The following LRP6 variants were observed in gnomAD, a reference collection of about 807,000 sequenced individuals.
The protein encoded by LRP6 is LDL receptor related protein 6.
A neutral mutation model predicts 184.1 loss-of-function variants in LRP6; 43 were observed. That is an observed-to-expected ratio of 0.23 (90% confidence interval 0.18 to 0.30). The LOEUF (loss-of-function observed/expected upper bound fraction) is 0.30. LRP6 is among the 10% of genes least tolerant of loss of function. The pLI is 1.00. For missense variants in LRP6, 1,571 were observed against 2,005.3 expected, an observed-to-expected ratio of 0.78 and a Z score of 4.14; for synonymous variants, 719 against 684.9, an observed-to-expected ratio of 1.05 and a Z score of -0.78.
intron 15 of LRP6, among the ~76,000 whole-genome samples, chr12:12,145,056 A>AT (rs1005517399): frequency 1.6e-4 from 25 of 152,148 alleles, no homozygotes; most frequent in Non-Finnish European, 2.9e-4. Context: ...AAAACTTATA[A>AT]TTAAAAAAAA....
chr12:12,244,463 G>A lies in LRP6; in HGVS notation c.248C>T (p.Thr83Ile), dbSNP rs1231928103. ...EAIKRTEFNKTESVQNVVVSG... is the reference protein window; with the variant it reads ...EAIKRTEFNKIESVQNVVVSG... ...AACAACAACATTCTGCACACTCTCA[G>A]TTTTGTTAAATTCTGTTCGTTTAAT... Residue 83 changes from threonine (T) to isoleucine (I), a missense_variant, in exon 2 of 23, where the codon ACT (threonine) becomes ATT (isoleucine). This residue lies in a region of LRP6 where 640 missense variants were observed against 851.9 expected (regional missense o/e 0.75). Coordinates refer to ENST00000261349, the MANE Select transcript of LRP6 (RefSeq NM_002336.3). 36 of 1,614,074 alleles carry A rather than the reference G, an allele frequency of 2.2e-5. No homozygotes were observed. The highest frequency in any genetic ancestry group is 3.0e-5 in the Non-Finnish European group (35 of 1,180,032).
intron 2 of LRP6, among the ~76,000 whole-genome samples, chr12:12,215,937 A>C (rs904994188): frequency 3.9e-5 from 6 of 151,970 alleles, no homozygotes; most frequent in East Asian, 2.0e-4. Flanking sequence ...ACTTGAACCC[A>C]CAAGGCAGAG....
At chr12:12,122,814 A>G (rs1949622731) in intron 22 of LRP6, among the ~76,000 whole-genome samples, 1 of 152,122 alleles carries the variant, frequency 6.6e-6, no homozygotes, top group South Asian at 2.1e-4. Flanking sequence ...CCTGGGTGAC[A>G]GAGCAAGACC....
At chr12:12,192,476 G>A (rs1447612964) in intron 3 of LRP6, among the ~76,000 whole-genome samples, 1 of 151,350 alleles carries the variant, frequency 6.6e-6, no homozygotes, top group Non-Finnish European at 1.5e-5. Context: ...AAAGGCAAAG[G>A]CTGTTAGACT....
At chr12:12,156,394 A>G (rs1862580736) in intron 12 of LRP6, among the ~76,000 whole-genome samples, 1 of 152,176 alleles carries the variant, frequency 6.6e-6, no homozygotes. Flanking sequence ...GAGAGACAAG[A>G]GTAAAAGCTG....
At chr12:12,205,691 C>T (rs766977265) in intron 2 of LRP6, among the ~76,000 whole-genome samples, 16 of 152,180 alleles carry the variant, frequency 1.1e-4, no homozygotes, top group Non-Finnish European at 4.4e-5. Flanking sequence ...GAAATGTAAG[C>T]ACATCACTCA....
rs1299969732 is a variant in LRP6 at position 12,126,787 on chromosome 12, C to G, written c.4216G>C (p.Gly1406Arg). The G allele has an allele frequency of 6.2e-7, 1 of 1,613,968 alleles. No homozygotes were observed. Among genetic ancestry groups the G allele is most frequent in the Non-Finnish European group, 8.5e-7 (1 of 1,179,976 alleles). ...ACATAGTCATTAGTCATAGTTTCCC[C>G]ATCTCCCTTCATACGTGGACACAAC... Reference protein sequence around the residue: ...RMLCPRMKGDGETMTNDYVVH... With the variant: ...RMLCPRMKGDRETMTNDYVVH... The change falls in exon 20 of 23, where the codon GGG (glycine) becomes CGG (arginine). Residue 1406 changes from glycine to arginine, a missense_variant. Gly to Arg is a moderately radical substitution (Grantham distance 125). Coordinates refer to ENST00000261349, the MANE Select transcript of LRP6 (RefSeq NM_002336.3).
chr12:12,126,892 T>C lies in LRP6; in HGVS notation c.4111A>G (p.Thr1371Ala), dbSNP rs1949679401. The C allele has an allele frequency of 1.2e-6, 2 of 1,614,046 alleles. No individual in the cohort carries two copies. Among genetic ancestry groups the C allele is most frequent in the Admixed American group, 1.7e-5 (1 of 60,002 alleles). Residue 1371 changes from threonine (T) to alanine (A), a missense_variant, in exon 20 of 23, where the codon ACC (threonine) becomes GCC (alanine). Physicochemically the swap from Thr to Ala is moderately conservative, Grantham distance 58. Transcript: ENST00000261349. ...YPTEEPAPQA[T>A]NTVGSVIGVI... ...CCAATAACAGAACCAACTGTATTGG[T>C]GGCCTGTGGTGCTGGTTCTTCAGTC...
At chr12:12,253,891 C>T (rs1300593404) in intron 1 of LRP6, among the ~76,000 whole-genome samples, 3 of 152,074 alleles carry the variant, frequency 2.0e-5, no homozygotes, top group African/African-American at 7.2e-5. Context: ...CGCCTCTAAT[C>T]CCCACACTTT....
At chr12:12,132,193 ATC>A (rs1949770214) in intron 17 of LRP6, 136 bp from the exon 18 acceptor site, 2 of 702,728 alleles carry the variant, frequency 2.8e-6, no homozygotes, top group Non-Finnish European at 5.2e-6. Flanking sequence ...ATTTATAACT[ATC>A]TCATCTATTC....
At chr12:12,166,479 A>G (rs1047747458) in intron 7 of LRP6, among the ~76,000 whole-genome samples, 1 of 152,192 alleles carries the variant, frequency 6.6e-6, no homozygotes, top group African/African-American at 2.4e-5. Flanking sequence ...TTACTTTCTT[A>G]TAAGTTTGTG....
chr12:12,155,466 A>G, intron 12 of LRP6: 1 of 957,268 alleles, frequency 1.0e-6, no homozygotes, highest in Non-Finnish European at 1.7e-6. Flanking sequence ...AATGTTACCC[A>G]GCATGCTGTT....
chr12:12,257,779 C>CAA lies in LRP6; in HGVS notation c.55+8900_55+8901dup, dbSNP rs1163180718. Among the ~76,000 whole-genome samples the CAA allele has an allele frequency of 7.9e-3, 279 of 35,310 alleles. 24 individuals are homozygous for CAA. Among genetic ancestry groups the CAA allele is most frequent in the African/African-American group, 0.011 (103 of 9,096 alleles). 23.2% of individuals were successfully genotyped at this position (35,310 alleles called of 152,430 possible). ...GCAACATAGTAAGACCCTGTCTCTACAAAAAAAAAAAAAAAAAAAAAAAAA... is the reference window on the plus strand; with the variant it reads ...GCAACATAGTAAGACCCTGTCTCTACAAAAAAAAAAAAAAAAAAAAAAAAAAA... On this transcript the variant is annotated intron_variant, in intron 1 of 22. Coordinates refer to ENST00000261349, the MANE Select transcript of LRP6 (RefSeq NM_002336.3).
In LRP6 at chr12:12,138,480, G is replaced by GT; in HGVS notation, c.3451dup (p.Thr1151AsnfsTer4). 1 of 1,614,100 alleles carries GT rather than the reference G, an allele frequency of 6.2e-7. No homozygotes were observed. Among genetic ancestry groups the GT allele is most frequent in the Non-Finnish European group, 8.5e-7 (1 of 1,180,012 alleles). On this transcript the variant is annotated frameshift_variant, in exon 16 of 23. Coordinates refer to ENST00000261349, the MANE Select transcript of LRP6 (RefSeq NM_002336.3). LOFTEE classifies it high-confidence loss of function. ...CCAATAGAGCCAGTTTTCAAACACA[G>GT]TAAGTCCCACAGGCTGCAAGATATT...
In LRP6 at chr12:12,159,861, C is replaced by T. The variant is rs1171228607; in HGVS notation, c.2383G>A (p.Gly795Ser). 6 of 1,614,074 alleles carry T rather than the reference C, an allele frequency of 3.7e-6. No homozygotes were observed. Among genetic ancestry groups the T allele is most frequent in the Non-Finnish European group, 5.1e-6 (6 of 1,179,976 alleles). Residue 795 changes from glycine (G) to serine (S), a missense_variant, in exon 11 of 23, where the codon GGC becomes AGC. Physicochemically the swap from Gly to Ser is moderately conservative, Grantham distance 56. Coordinates refer to ENST00000261349, the MANE Select transcript of LRP6 (RefSeq NM_002336.3). ...TLVPNVGRANGLTIDYAKRRL... is the reference protein window; with the variant it reads ...TLVPNVGRANSLTIDYAKRRL... ...CTTTTAGCATAATCAATAGTTAGGC[C>T]GTTTGCCCGCCCCACATTTGGAACT...
At chr12:12,136,441 TA>T (rs1949840738) in intron 16 of LRP6, among the ~76,000 whole-genome samples, 1 of 152,210 alleles carries the variant, frequency 6.6e-6, no homozygotes. Context: ...CTGCAAAAGG[TA>T]ACTTGTAATA....
chr12:12,153,049 T>C (rs1476945017), intron 12 of LRP6, among the ~76,000 whole-genome samples: 2 of 152,246 alleles, frequency 1.3e-5, no homozygotes, highest in African/African-American at 4.8e-5. Flanking sequence ...TTAACAACTT[T>C]TAGCAATTTT....
chr12:12,178,057 A>G (rs1863241141), intron 7 of LRP6, among the ~76,000 whole-genome samples: 2 of 152,192 alleles, frequency 1.3e-5, no homozygotes, highest in African/African-American at 4.8e-5. Flanking sequence ...TCAAGAAAAC[A>G]TAACAAAGAG....
chr12:12,261,649 C>T (rs529019558), intron 1 of LRP6, among the ~76,000 whole-genome samples: 1 of 152,214 alleles, frequency 6.6e-6, no homozygotes, highest in Admixed American at 6.5e-5. Flanking sequence ...GGTCTCTTTA[C>T]CTCAGGACTT....
Sources: allele counts gnomAD v4.1 joint callset (sites outside exome capture counted in the v4.1 genomes callset), GRCh38; gene constraint gnomAD v4.1.1; regional missense constraint gnomAD v4.1.1; transcripts MANE v1.5; gene names NCBI Gene and HGNC (gene_info 2026-07-23, HGNC 2026-07-21).